The following PRH1 variants were observed in gnomAD, a reference collection of about 807,000 sequenced individuals.
PRH1 encodes salivary acidic proline-rich phosphoprotein 1/2.
A neutral mutation model predicts 7.9 loss-of-function variants in PRH1; 7 were observed. The ratio of observed to expected loss-of-function variants is 0.89; its 90% confidence interval spans 0.50 to 1.67. PRH1 has a LOEUF of 1.67. Ranked by LOEUF, PRH1 falls within the 40% of genes most tolerant of loss-of-function variation. PRH1 has a pLI of 0.00. For synonymous variants in PRH1, 45 were observed against 80.8 expected, an observed-to-expected ratio of 0.56 and a Z score of 2.38; for missense variants, 109 against 223.6, an observed-to-expected ratio of 0.49 and a Z score of 3.27.
At chr12:11,006,536 C>T (rs10845287) in intron 1 of PRH1, among the ~76,000 whole-genome samples, 1 of 151,654 alleles carries the variant, frequency 6.6e-6, no homozygotes, top group African/African-American at 2.4e-5. Context: ...GCATGCACCA[C>T]CAAGCCTGCT....
chr12:10,897,168 T>C (rs1310077491), intron 2 of PRH1, among the ~76,000 whole-genome samples: 1 of 152,164 alleles, frequency 6.6e-6, no homozygotes, highest in African/African-American at 2.4e-5. Context: ...CGGTAGATAC[T>C]AGCCACATGT....
chr12:10,924,922 A>G (rs770116661), intron 2 of PRH1, among the ~76,000 whole-genome samples: 1 of 151,926 alleles, frequency 6.6e-6, no homozygotes, highest in Non-Finnish European at 1.5e-5. Flanking sequence ...CTACTGGTCT[A>G]TCAATTTTGT....
intron 1 of PRH1, among the ~76,000 whole-genome samples, chr12:11,154,371 A>G (rs894021395): frequency 1.3e-5 from 2 of 152,240 alleles, no homozygotes; most frequent in African/African-American, 2.4e-5. Flanking sequence ...ATTAATGTGC[A>G]TATATAAATG....
chr12:10,947,948 T>C (rs1950512924), intron 2 of PRH1, among the ~76,000 whole-genome samples: 2 of 152,228 alleles, frequency 1.3e-5, no homozygotes, highest in Non-Finnish European at 2.9e-5. Flanking sequence ...GAATGTTGAA[T>C]ATAGGCCTCC....
At chr12:11,041,838 T>C (rs763898309) in intron 1 of PRH1, among the ~76,000 whole-genome samples, 2 of 152,100 alleles carry the variant, frequency 1.3e-5, no homozygotes, top group Non-Finnish European at 2.9e-5. Flanking sequence ...TTGGAAACTA[T>C]ATAAACACAT....
At chr12:11,026,878 A>G (rs1243298901) in intron 1 of PRH1, among the ~76,000 whole-genome samples, 1 of 152,242 alleles carries the variant, frequency 6.6e-6, no homozygotes, top group Admixed American at 6.5e-5. Flanking sequence ...GCCTTGTATC[A>G]TAATAATAAC....
At chr12:11,160,952 G>A (rs1347399752) in intron 1 of PRH1, among the ~76,000 whole-genome samples, 1 of 152,098 alleles carries the variant, frequency 6.6e-6, no homozygotes, top group East Asian at 1.9e-4. Flanking sequence ...CAACTTCCAT[G>A]TCCTAAATTT....
chr12:10,901,479 C>T (rs1192070278), intron 2 of PRH1, among the ~76,000 whole-genome samples: 2 of 152,142 alleles, frequency 1.3e-5, no homozygotes, highest in African/African-American at 4.8e-5. Context: ...ATTGGAAGAC[C>T]TATAGGTGGA....
chr12:11,121,279 A>G (rs1171510576), intron 1 of PRH1: 1 of 152,246 alleles, frequency 6.6e-6, no homozygotes, highest in Non-Finnish European at 1.5e-5. Flanking sequence ...GTTTCCTATC[A>G]TCAATATATT....
intron 1 of PRH1, among the ~76,000 whole-genome samples, chr12:11,003,543 C>G (rs1018252649): frequency 2.6e-5 from 4 of 151,512 alleles, no homozygotes; most frequent in Admixed American, 6.6e-5. Context: ...GTTTTGCCAC[C>G]AATGTAATAA....
chr12:10,999,230 CTTG>C (rs1384328912), intron 1 of PRH1, among the ~76,000 whole-genome samples: 7 of 152,182 alleles, frequency 4.6e-5, no homozygotes, highest in South Asian at 4.2e-4. Flanking sequence ...TATGTGCGCC[CTTG>C]TTGTGTCAGA....
chr12:11,073,359 C>T (rs1244642533), intron 1 of PRH1, among the ~76,000 whole-genome samples: 1 of 119,142 alleles, frequency 8.4e-6, no homozygotes. Context: ...GTCTCAAACT[C>T]ATGGCCTCAA....
At chr12:11,150,524 C>A (rs1947043210) in intron 1 of PRH1, among the ~76,000 whole-genome samples, 2 of 152,088 alleles carry the variant, frequency 1.3e-5, no homozygotes, top group African/African-American at 4.8e-5. Context: ...TCTGTAGGGA[C>A]ATGGATGAAA....
chr12:10,884,011 A>G (rs918564748), intron 1 of PRH1, 143 bp downstream of exon 1: 2 of 956,572 alleles, frequency 2.1e-6, no homozygotes, highest in Non-Finnish European at 3.2e-6. Flanking sequence ...TGGAGGTACA[A>G]TAGATCTTCT....
At chr12:11,097,080 G>A (rs138541477) in intron 1 of PRH1, 3,536 of 135,932 alleles carry the variant, frequency 0.026, 923 homozygotes, top group South Asian at 0.037. Flanking sequence ...TTACAGGCGT[G>A]AGCCACCGCG....
At chr12:10,945,062 G>C (rs886346279) in intron 2 of PRH1, among the ~76,000 whole-genome samples, 3 of 152,124 alleles carry the variant, frequency 2.0e-5, no homozygotes, top group Non-Finnish European at 4.4e-5. Context: ...TCAAGATGAT[G>C]CTGGCCTCAT....
chr12:10,954,588 C>T (rs1414269762), intron 2 of PRH1, among the ~76,000 whole-genome samples: 6 of 152,170 alleles, frequency 3.9e-5, no homozygotes, highest in African/African-American at 1.4e-4. Flanking sequence ...CCAACTCAGC[C>T]TTGCAAGTAC....
chr12:10,901,658 C>T (rs1949725613), intron 2 of PRH1, among the ~76,000 whole-genome samples: 1 of 152,132 alleles, frequency 6.6e-6, no homozygotes, highest in Admixed American at 6.6e-5. Context: ...AAAACTGGCT[C>T]TTACCTATAA....
chr12:11,041,024 G>A (rs1942684991), intron 1 of PRH1, among the ~76,000 whole-genome samples: 2 of 151,664 alleles, frequency 1.3e-5, no homozygotes, highest in Non-Finnish European at 2.9e-5. Context: ...ATGAAAAATA[G>A]GAAGGAAGGA....
Sources: gnomAD v4.1 joint callset for allele counts (sites outside exome capture counted in the v4.1 genomes callset) on GRCh38, gnomAD v4.1.1 for gene constraint, MANE v1.5 for transcripts, NCBI Gene and HGNC (gene_info 2026-07-23, HGNC 2026-07-21) for gene names.